The following RBMS3 variants were observed in gnomAD, a reference collection of about 807,000 sequenced individuals.
RBMS3 encodes RNA-binding motif, single-stranded-interacting protein 3.
A neutral mutation model predicts 66.8 loss-of-function variants in RBMS3; 27 were observed. The observed-to-expected ratio is 0.40, with a 90% CI of 0.30 to 0.56. The LOEUF is 0.56. Among genes scored for constraint, RBMS3 ranks in the 20% least tolerant of loss-of-function variants. The pLI is 0.40. For missense variants in RBMS3, 513 were observed against 549.5 expected (o/e 0.93, Z 0.66); for synonymous variants, 188 against 183.0 (o/e 1.03, Z -0.22).
chr3:29,306,513 A>G (rs1424171210), intron 1 of RBMS3, among the ~76,000 whole-genome samples: 4 of 151,936 alleles, frequency 2.6e-5, no homozygotes, highest in Admixed American at 2.6e-4. Flanking sequence ...CAACCATAAA[A>G]CCTTAATTCA....
In RBMS3 at chr3:29,473,566, T is replaced by C. The variant is rs1167129291; in HGVS notation, c.249-14875T>C. 7.2e-5 allele frequency among the ~76,000 whole-genome samples: 11 copies of C among 152,162 alleles called. No individual in the cohort carries two copies. The East Asian group carries it at 1.7e-3, about 24-fold the overall frequency. ...GCCGTGGAACCAGGGGTGGCGCTCG[T>C]TGGGGAGGCTCGGGTGCACAGGAGC... On this transcript the variant is annotated intron_variant, in intron 2 of 14. Coordinates refer to ENST00000383767, the MANE Select transcript of RBMS3 (RefSeq NM_001003793.3).
chr3:29,844,927 G>C (rs1318443173), intron 6 of RBMS3, among the ~76,000 whole-genome samples: 1 of 152,150 alleles, frequency 6.6e-6, no homozygotes, highest in East Asian at 1.9e-4. Flanking sequence ...GATGTTGTTG[G>C]CTCTGCTGCA....
chr3:29,480,021 T>C (rs1296441279), intron 2 of RBMS3, among the ~76,000 whole-genome samples: 1 of 152,190 alleles, frequency 6.6e-6, no homozygotes, highest in Non-Finnish European at 1.5e-5. Flanking sequence ...GCGAAGATGG[T>C]GAGTTGAACT....
At chr3:29,324,990 A>T (rs1424550216) in intron 1 of RBMS3, among the ~76,000 whole-genome samples, 1 of 152,116 alleles carries the variant, frequency 6.6e-6, no homozygotes, top group African/African-American at 2.4e-5. Context: ...GAAAGAATAC[A>T]TGCATATAAT....
chr3:29,291,592 A>G (rs1421847446), intron 1 of RBMS3, among the ~76,000 whole-genome samples: 1 of 151,844 alleles, frequency 6.6e-6, no homozygotes, highest in Non-Finnish European at 1.5e-5. Context: ...CAAGAGGCAA[A>G]TCAATGGCAC....
At chr3:29,990,133 C>T (rs1698732305) in intron 13 of RBMS3, among the ~76,000 whole-genome samples, 1 of 151,998 alleles carries the variant, frequency 6.6e-6, no homozygotes, top group African/African-American at 2.4e-5. Flanking sequence ...GAACATTTAT[C>T]AATATCTATA....
intron 2 of RBMS3, among the ~76,000 whole-genome samples, chr3:29,485,867 GT>G (rs973076903): frequency 2.6e-5 from 4 of 152,102 alleles, no homozygotes; most frequent in African/African-American, 9.6e-5. Flanking sequence ...GGGTGGCATA[GT>G]TGAAGAAAGA....
At chr3:29,895,751 G>C (rs1036533250) in intron 8 of RBMS3, among the ~76,000 whole-genome samples, 1 of 151,398 alleles carries the variant, frequency 6.6e-6, no homozygotes, top group Admixed American at 6.6e-5. Context: ...GGTTAGTATG[G>C]AGCATTGCTG....
intron 4 of RBMS3, among the ~76,000 whole-genome samples, chr3:29,649,608 C>T (rs1224657607): frequency 1.3e-5 from 2 of 152,058 alleles, no homozygotes; most frequent in Admixed American, 6.5e-5. Flanking sequence ...GCATAATGAA[C>T]CTTCTAGGCA....
intron 3 of RBMS3, among the ~76,000 whole-genome samples, chr3:29,509,613 G>T (rs530817920): frequency 3.3e-5 from 5 of 152,182 alleles, no homozygotes; most frequent in African/African-American, 1.2e-4. Context: ...TCCTTGACTT[G>T]CGAGACTCAG....
At chr3:29,837,975 T>G (rs972519348) in intron 6 of RBMS3, among the ~76,000 whole-genome samples, 1 of 151,290 alleles carries the variant, frequency 6.6e-6, no homozygotes, top group African/African-American at 2.4e-5. Flanking sequence ...AGGTTTTTGG[T>G]AGCTGTAAGT....
At chr3:29,641,809 G>C (rs1205266100) in intron 4 of RBMS3, among the ~76,000 whole-genome samples, 2 of 152,024 alleles carry the variant, frequency 1.3e-5, no homozygotes, top group African/African-American at 4.8e-5. Flanking sequence ...TAAAGACCAG[G>C]ACACTTATGC....
rs1041221559 is a variant in RBMS3, at chr3:29,723,274, C to A, written c.400-16446C>A. Among the ~76,000 whole-genome samples the A allele has an allele frequency of 2.6e-5, 4 of 152,276 alleles. No individual in the cohort carries two copies. The East Asian group carries it at 7.7e-4, about 29-fold the overall frequency. ...TACAGGCATGAGCCACCATGTCCAG[C>A]CTCACTCACTAGTTTTTACATACAC... On this transcript the variant is annotated intron_variant, in intron 4 of 14. Transcript: ENST00000383767.
At chr3:29,417,762 A>T (rs2040536654) in intron 1 of RBMS3, among the ~76,000 whole-genome samples, 1 of 152,030 alleles carries the variant, frequency 6.6e-6, no homozygotes, top group African/African-American at 2.4e-5. Flanking sequence ...TGAGAATTTA[A>T]ACTAGTTTCA....
chr3:29,799,258 T>C (rs1376406591), intron 6 of RBMS3, among the ~76,000 whole-genome samples: 1 of 152,220 alleles, frequency 6.6e-6, no homozygotes, highest in Non-Finnish European at 1.5e-5. Context: ...CACCAAATCA[T>C]CAAAGTTTCC....
chr3:29,659,264 A>G (rs2050440971), intron 4 of RBMS3, among the ~76,000 whole-genome samples: 10 of 152,188 alleles, frequency 6.6e-5, no homozygotes, highest in Admixed American at 6.5e-4. Flanking sequence ...CCATTTTTAA[A>G]TGTATAGTTT....
At chr3:29,890,028 T>C (rs540892221) in intron 8 of RBMS3, among the ~76,000 whole-genome samples, 1 of 151,822 alleles carries the variant, frequency 6.6e-6, no homozygotes, top group South Asian at 2.1e-4. Context: ...ATGCATTGTG[T>C]TGTTGGCAAC....
intron 4 of RBMS3, among the ~76,000 whole-genome samples, chr3:29,617,996 A>G (rs1395761374): frequency 6.6e-6 from 1 of 152,114 alleles, no homozygotes; most frequent in Non-Finnish European, 1.5e-5. Context: ...TTTTTAGATA[A>G]AAGAAGTAGG....
chr3:29,895,229 GATGA>G (rs2060098668), intron 8 of RBMS3, among the ~76,000 whole-genome samples: 1 of 151,528 alleles, frequency 6.6e-6, no homozygotes, highest in African/African-American at 2.4e-5. Flanking sequence ...AAAATGGAAA[GATGA>G]ATGTTTTCTT....
Sources: gnomAD v4.1 joint callset for allele counts (sites outside exome capture counted in the v4.1 genomes callset) on GRCh38, gnomAD v4.1.1 for gene constraint, MANE v1.5 for transcripts, NCBI Gene and HGNC (gene_info 2026-07-23, HGNC 2026-07-21) for gene names.